The following CPNE5 variants were observed in gnomAD, a reference collection of about 807,000 sequenced individuals.
The protein encoded by CPNE5 is copine 5, also known as copine-5.
Under a neutral mutation model 81.1 loss-of-function variants are expected in CPNE5, and 42 were observed. The observed-to-expected ratio is 0.52, with a 90% CI of 0.40 to 0.67. The LOEUF (loss-of-function observed/expected upper bound fraction) is 0.67. CPNE5 is among the 30% of genes least tolerant of loss of function. CPNE5 has a pLI of 0.00. For missense variants in CPNE5, 612 were observed against 815.5 expected (o/e 0.75, Z 3.04); for synonymous variants, 313 against 321.5 (o/e 0.97, Z 0.28).
chr6:36,779,218 G>GCC (rs764248066), intron 8 of CPNE5, among the ~76,000 whole-genome samples: 1 of 152,230 alleles, frequency 6.6e-6, no homozygotes, highest in Non-Finnish European at 1.5e-5. Context: ...CAAGGTAGGT[G>GCC]ACCTCTTGGA....
At chr6:36,836,311 A>G (rs997001618) in intron 1 of CPNE5, among the ~76,000 whole-genome samples, 2 of 152,144 alleles carry the variant, frequency 1.3e-5, no homozygotes, top group African/African-American at 2.4e-5. Context: ...TTGCTTAGCT[A>G]GCTGAGCCCT....
At chr6:36,807,157 CA>C (rs755505737) in intron 3 of CPNE5, among the ~76,000 whole-genome samples, 12 of 152,214 alleles carry the variant, frequency 7.9e-5, no homozygotes, top group Non-Finnish European at 1.6e-4. Context: ...AGCACGTCTT[CA>C]AAAAGCTTTA....
intron 3 of CPNE5, among the ~76,000 whole-genome samples, chr6:36,820,230 C>T (rs899641749): frequency 6.6e-6 from 1 of 152,116 alleles, no homozygotes; most frequent in Admixed American, 6.5e-5. Context: ...AAACATTCTC[C>T]TGTGAGGGCT....
At chr6:36,815,970 T>C (rs1771513601) in intron 3 of CPNE5, among the ~76,000 whole-genome samples, 1 of 152,210 alleles carries the variant, frequency 6.6e-6, no homozygotes, top group Non-Finnish European at 1.5e-5. Context: ...GGGATCTCCA[T>C]ACCCACTTTT....
intron 14 of CPNE5, among the ~76,000 whole-genome samples, chr6:36,750,379 AG>A (rs1764676548): frequency 6.6e-6 from 1 of 152,184 alleles, no homozygotes; most frequent in Non-Finnish European, 1.5e-5. Flanking sequence ...CATGGTTAGC[AG>A]GAGACCCCAG....
At chr6:36,796,333 C>T (rs1414099133) in intron 6 of CPNE5, among the ~76,000 whole-genome samples, 1 of 152,252 alleles carries the variant, frequency 6.6e-6, no homozygotes, top group Non-Finnish European at 1.5e-5. Context: ...AATACTCCCC[C>T]ACCCCCAGAG....
At chr6:36,786,739 G>C (rs547558752) in intron 8 of CPNE5, among the ~76,000 whole-genome samples, 2 of 152,260 alleles carry the variant, frequency 1.3e-5, no homozygotes, top group South Asian at 4.2e-4. Flanking sequence ...TAATGATACA[G>C]GAAAAGGCAG....
At chr6:36,800,185 G>T in intron 3 of CPNE5, 115 bp from the exon 4 acceptor site, 1 of 655,576 alleles carries the variant, frequency 1.5e-6, no homozygotes, top group Non-Finnish European at 2.6e-6. Context: ...AGTTATGAAA[G>T]CCCTGTCTCT....
chr6:36,804,074 C>T (rs1770370872), intron 3 of CPNE5, among the ~76,000 whole-genome samples: 1 of 152,166 alleles, frequency 6.6e-6, no homozygotes, highest in African/African-American at 2.4e-5. Context: ...TGAGGTATTA[C>T]CCATTGTACA....
chr6:36,825,057 G>A (rs937313198), intron 1 of CPNE5, among the ~76,000 whole-genome samples: 33 of 152,148 alleles, frequency 2.2e-4, no homozygotes, highest in African/African-American at 4.6e-4. Context: ...GGCAAAGGGC[G>A]ACCGTGGCCC....
chr6:36,826,743 TC>T (rs1772536139), intron 1 of CPNE5, among the ~76,000 whole-genome samples: 1 of 152,060 alleles, frequency 6.6e-6, no homozygotes, highest in Non-Finnish European at 1.5e-5. Flanking sequence ...AGCCCGTATC[TC>T]CCCACCTGGG....
chr6:36,754,709 C>T (rs1461240786), intron 13 of CPNE5: 1 of 152,282 alleles, frequency 6.6e-6, no homozygotes, highest in Non-Finnish European at 1.5e-5. Flanking sequence ...CGCATGCCCT[C>T]TCTAGGCCAC....
At chr6:36,816,688 T>G (rs897957954) in intron 3 of CPNE5, among the ~76,000 whole-genome samples, 1 of 152,216 alleles carries the variant, frequency 6.6e-6, no homozygotes, top group Admixed American at 6.5e-5. Context: ...CAATCTGGAT[T>G]TTTCTTTAAT....
chr6:36,776,354 T>C (rs1234729585), intron 9 of CPNE5, among the ~76,000 whole-genome samples: 1 of 152,248 alleles, frequency 6.6e-6, no homozygotes, highest in African/African-American at 2.4e-5. Context: ...TTAGCGTTTT[T>C]CTTCTCTGCT....
rs1444923122 is a variant in CPNE5 at position 36,740,923 on chromosome 6, G to A, written c.*1345C>T. The A allele has an allele frequency of 6.5e-6, 1 of 152,790 alleles. No homozygotes were observed. Among genetic ancestry groups the A allele is most frequent in the Non-Finnish European group, 1.5e-5 (1 of 68,178 alleles). 9.5% of individuals were successfully genotyped at this position (152,790 alleles called of 1,614,324 possible). Reference sequence around the variant, plus strand: ...CAGGCGGAAGACGGGGGCCTGGCCTGCACCAGGCACGGAGAGGTCAGTGGG... The same window carrying A: ...CAGGCGGAAGACGGGGGCCTGGCCTACACCAGGCACGGAGAGGTCAGTGGG... On this transcript the variant is annotated 3_prime_UTR_variant, in exon 21 of 21. Coordinates refer to ENST00000244751, the MANE Select transcript of CPNE5 (RefSeq NM_020939.2).
intron 3 of CPNE5, among the ~76,000 whole-genome samples, chr6:36,816,822 A>C (rs1381482002): frequency 1.3e-5 from 2 of 152,166 alleles, no homozygotes; most frequent in Non-Finnish European, 2.9e-5. Context: ...TCTGTTGCCC[A>C]GGCTGGAGAG....
At chr6:36,800,436 C>T (rs1209394902) in intron 3 of CPNE5, among the ~76,000 whole-genome samples, 3 of 152,174 alleles carry the variant, frequency 2.0e-5, no homozygotes, top group Non-Finnish European at 4.4e-5. Flanking sequence ...CTTCCTGATT[C>T]CTCCAATCAG....
intron 1 of CPNE5, among the ~76,000 whole-genome samples, chr6:36,835,652 C>T (rs1773427851): frequency 1.3e-5 from 2 of 152,036 alleles, no homozygotes; most frequent in Non-Finnish European, 2.9e-5. Context: ...AAAAATTAGC[C>T]CTGTGTGGAG....
At chr6:36,789,784 C>T (rs1490080405) in intron 8 of CPNE5, among the ~76,000 whole-genome samples, 1 of 152,122 alleles carries the variant, frequency 6.6e-6, no homozygotes, top group Admixed American at 6.6e-5. Context: ...GTCACATATT[C>T]GTGATGGGTC....
Sources: allele counts gnomAD v4.1 joint callset (sites outside exome capture counted in the v4.1 genomes callset), GRCh38; gene constraint gnomAD v4.1.1; transcripts MANE v1.5; gene names NCBI Gene and HGNC (gene_info 2026-07-23, HGNC 2026-07-21).